The following CTBS variants were observed in gnomAD, a reference collection of about 807,000 sequenced individuals.
The protein encoded by CTBS is di-N-acetylchitobiase.
In CTBS, 35 loss-of-function variants were observed where a neutral mutation model predicts 44.3. The ratio of observed to expected loss-of-function variants is 0.79; its 90% CI spans 0.60 to 1.05. The LOEUF is 1.05. Among genes scored for constraint, CTBS ranks in the 50% least tolerant of loss-of-function variants. The pLI is 0.00. For synonymous variants in CTBS, 143 were observed against 168.0 expected (o/e 0.85, Z 1.15); for missense variants, 458 against 475.3 (o/e 0.96, Z 0.34).
Position 84,570,692 on chromosome 1 carries a change from G to GT in CTBS, c.205dup (p.Thr69AsnfsTer6). 6 of 1,613,730 alleles carry GT rather than the reference G, an allele frequency of 3.7e-6. No homozygotes were observed. Among genetic ancestry groups the GT allele is most frequent in the Non-Finnish European group, 5.1e-6 (6 of 1,179,846 alleles). ...CTGTGACCAATCATAAGATTTCCAA[G>GT]TTTTCTGTCCAACATCAAACACAAA... is the stretch of plus-strand genomic sequence containing the variant. On this transcript the variant is annotated frameshift_variant, in exon 2 of 7. Transcript: ENST00000370630. LOFTEE classifies it high-confidence loss of function.
chr1:84,570,286 A>T lies in CTBS; in HGVS notation c.317-147T>A, dbSNP rs895135042. The T allele has an allele frequency of 7.3e-6, 5 of 688,610 alleles. No individual in the cohort carries two copies. In the African/African-American group the frequency reaches 9.1e-5, roughly 13 times the overall value. The allele number at this position is 688,610 out of a possible 1,614,324, so 42.7% of individuals were successfully genotyped here. ...TTACTCATGAATCTCCAAAATAACCATTATAAATCATTAGTAAAATTGTTC... is the reference window on the plus strand; with the variant it reads ...TTACTCATGAATCTCCAAAATAACCTTTATAAATCATTAGTAAAATTGTTC... On this transcript the variant is annotated intron_variant, in intron 2 of 6. Coordinates refer to ENST00000370630, the MANE Select transcript of CTBS (RefSeq NM_004388.3).
At chr1:84,556,527 A>G (rs1035758897) in intron 6 of CTBS, among the ~76,000 whole-genome samples, 5 of 144,442 alleles carry the variant, frequency 3.5e-5, no homozygotes, top group Admixed American at 6.9e-5. Context: ...CCTAGCCAAC[A>G]TGGTGAAACC....
Position 84,561,418 on chromosome 1 carries a change from A to G in CTBS, c.957+1839T>C, listed in dbSNP as rs181035770. On this transcript the variant is annotated intron_variant, in intron 6 of 6. Transcript: ENST00000370630. The stretch of plus-strand genomic sequence containing the variant: ...CTTCTTATGAATACGCAAAGAAAGT[A>G]GTTTCTTGAGAATGGAATCTATTCC... 2.0e-5 allele frequency among the ~76,000 whole-genome samples: 3 copies of G among 152,368 alleles called. No individual in the cohort carries two copies. In the East Asian group the frequency reaches 5.8e-4, roughly 29 times the overall value.
intron 4 of CTBS, 166 bp from the exon 5 acceptor site, chr1:84,563,998 T>C (rs1036373903): frequency 7.2e-6 from 3 of 416,226 alleles, no homozygotes; most frequent in Non-Finnish European, 9.7e-6. Flanking sequence ...CCATAAATTC[T>C]ATATCTTGCT....
intron 6 of CTBS, among the ~76,000 whole-genome samples, chr1:84,557,094 A>G (rs1684457512): frequency 1.3e-5 from 2 of 152,242 alleles, no homozygotes; most frequent in Non-Finnish European, 2.9e-5. Context: ...CACATGTAAG[A>G]CTAATTTATG....
At chr1:84,556,710 CAAAAA>C (rs11417377) in intron 6 of CTBS, among the ~76,000 whole-genome samples, 1 of 93,490 alleles carries the variant, frequency 1.1e-5, no homozygotes, top group African/African-American at 3.7e-5. Flanking sequence ...GACTCCGTCT[CAAAAA>C]AAAAAAAAAA....
chr1:84,565,996 G>T lies in CTBS; in HGVS notation c.542C>A (p.Ala181Asp). The stretch of plus-strand genomic sequence containing the variant: ...TCTGTCTATGTTCTTTGGAGACCAA[G>T]CTACATCAAAGGTTACCTGTGGAAA... Reference protein sequence around the residue: ...IEGSQVTFDVAWSPKNIDRRC... With the variant: ...IEGSQVTFDVDWSPKNIDRRC... The change falls in exon 4 of 7, where the codon GCT (alanine) becomes GAT (aspartate). Residue 181 changes from alanine (A) to aspartate (D), a missense_variant. By Grantham distance (126) the Ala-to-Asp change is moderately radical. Transcript: ENST00000370630. 6.4e-7 allele frequency: 1 copy of T among 1,551,694 alleles called. No individual in the cohort carries two copies. Among genetic ancestry groups the T allele is most frequent in the Non-Finnish European group, 8.7e-7 (1 of 1,149,700 alleles).
At position 84,570,567 on chromosome 1, in the gene CTBS, C is replaced by G. The variant is rs1284530016; in HGVS notation, c.316+15G>C. ...TTTCCCAATTGCTGCACACATAGATCTGGAAACAACATACCTTTAAGTACT... is the reference window on the plus strand; with the variant it reads ...TTTCCCAATTGCTGCACACATAGATGTGGAAACAACATACCTTTAAGTACT... On this transcript the variant is annotated intron_variant, in intron 2 of 6. Transcript: ENST00000370630. The G allele has an allele frequency of 1.9e-6, 3 of 1,595,752 alleles. No homozygotes were observed. In the South Asian group the frequency reaches 3.4e-5, roughly 18 times the overall value.
At chr1:84,563,170 T>C (rs1684626289) in intron 6 of CTBS, 87 bp downstream of exon 6, 4 of 946,306 alleles carry the variant, frequency 4.2e-6, no homozygotes, top group Non-Finnish European at 5.8e-6. Context: ...AGAAAACTGA[T>C]AGAAATTCTT....
rs1570476700 is a variant in CTBS, at chr1:84,570,848, C to T, written c.178-128G>A. ...GCAGTGAGAGTACAAGTGCATAAGA[C>T]ATAGGGGTCCCAAGATAATTGGTGG... is the stretch of plus-strand genomic sequence containing the variant. On this transcript the variant is annotated intron_variant, in intron 1 of 6. Transcript: ENST00000370630. The T allele has an allele frequency of 7.6e-6, 6 of 794,348 alleles. No individual in the cohort carries two copies. The South Asian group carries it at 1.4e-4, about 19-fold the overall frequency. 49.2% of individuals were successfully genotyped at this position (794,348 alleles called of 1,614,324 possible). A position where few individuals can be genotyped will look rare whatever the true frequency, so the allele number is the denominator to read the frequency against.
At position 84,553,942 on chromosome 1, in the gene CTBS, G is replaced by T. The variant is rs1420236729; in HGVS notation, c.*1057C>A. Reference sequence around the variant, plus strand: ...TTAGAAAACTTATTTGTATAAAATTGATCTTTTAGAAAGAGAACTAGTTGA... The same window carrying T: ...TTAGAAAACTTATTTGTATAAAATTTATCTTTTAGAAAGAGAACTAGTTGA... On this transcript the variant is annotated 3_prime_UTR_variant, in exon 7 of 7. Transcript: ENST00000370630. 1 of 152,070 alleles carries T rather than the reference G, an allele frequency of 6.6e-6. No homozygotes were observed. The highest frequency in any genetic ancestry group is 2.4e-5 in the African/African-American group (1 of 41,406). 9.4% of individuals were successfully genotyped at this position (152,070 alleles called of 1,614,324 possible).
Position 84,574,349 on chromosome 1 carries a change from C to T in CTBS, c.67G>A (p.Ala23Thr). The change falls in exon 1 of 7, where the codon GCG becomes ACG. Residue 23 changes from alanine to threonine, a missense_variant. Physicochemically the swap from Ala to Thr is moderately conservative, Grantham distance 58. Coordinates refer to ENST00000370630, the MANE Select transcript of CTBS (RefSeq NM_004388.3). ...SSPPSGVPGL[A>T]LLALLALLAL... ...AGCAGCGCCAGCAGCGCCAGCAGCG[C>T]TAGACCCGGGACGCCGCTCGGCGGG... is the stretch of plus-strand genomic sequence containing the variant. 7.4e-7 allele frequency: 1 copy of T among 1,348,504 alleles called. No individual in the cohort carries two copies. The highest frequency in any genetic ancestry group is 1.0e-6 in the Non-Finnish European group (1 of 979,954). 83.5% of individuals were successfully genotyped at this position (1,348,504 alleles called of 1,614,324 possible).
Position 84,551,326 on chromosome 1 carries a change from A to G in CTBS, c.*3673T>C. The G allele has an allele frequency of 1.1e-6, 1 of 935,846 alleles. No individual in the cohort carries two copies. The highest frequency in any genetic ancestry group is 1.3e-6 in the Non-Finnish European group (1 of 784,776). The allele number at this position is 935,846 out of a possible 1,614,324, so 58.0% of individuals were successfully genotyped here. ...AGCTCTTTTTAAAAAAATTTTAAAA[A>G]GAAAAAAGAAAATCAGTACTGTCCT... On this transcript the variant is annotated 3_prime_UTR_variant, in exon 7 of 7. Transcript: ENST00000370630.
chr1:84,563,970 T>TA (rs1226254264), intron 4 of CTBS, 138 bp from the exon 5 acceptor site: 5 of 971,370 alleles, frequency 5.1e-6, no homozygotes, highest in Non-Finnish European at 5.5e-6. Context: ...TAATATGTTA[T>TA]AAAACATCCC....
At position 84,554,983 on chromosome 1, in the gene CTBS, G is replaced by C. The variant is rs1399416288; in HGVS notation, c.*16C>G. The C allele has an allele frequency of 6.2e-7, 1 of 1,604,990 alleles. No individual in the cohort carries two copies. Among genetic ancestry groups the C allele is most frequent in the African/African-American group, 1.3e-5 (1 of 74,600 alleles). ...CAGATCATCTTTCTAACTCTTAATG[G>C]TTTGACAAAAGATGTTCATCTCTGT... is the stretch of plus-strand genomic sequence containing the variant. On this transcript the variant is annotated 3_prime_UTR_variant, in exon 7 of 7. Coordinates refer to ENST00000370630, the MANE Select transcript of CTBS (RefSeq NM_004388.3).
In CTBS at chr1:84,550,807, CA is replaced by C. The variant is rs572940816; in HGVS notation, c.*4191del. On this transcript the variant is annotated 3_prime_UTR_variant, in exon 7 of 7. Transcript: ENST00000370630. ...AGGAACCTGTGAGTCAATATATTCTCAAAAAAAATTTTAAGTAGTTTTCCTG... is the reference window on the plus strand; with the variant it reads ...AGGAACCTGTGAGTCAATATATTCTCAAAAAAATTTTAAGTAGTTTTCCTG... 14 of 1,015,844 alleles carry C rather than the reference CA, an allele frequency of 1.4e-5. No individual in the cohort carries two copies. The highest frequency in any genetic ancestry group is 8.2e-5 in the East Asian group (1 of 12,146). The allele number at this position is 1,015,844 out of a possible 1,614,324, so 62.9% of individuals were successfully genotyped here.
chr1:84,556,789 T>C (rs1684445083), intron 6 of CTBS, among the ~76,000 whole-genome samples: 1 of 151,714 alleles, frequency 6.6e-6, no homozygotes. Context: ...TATTTAAATA[T>C]GGTAGACTAA....
At chr1:84,557,609 C>T (rs1267737072) in intron 6 of CTBS, among the ~76,000 whole-genome samples, 1 of 149,206 alleles carries the variant, frequency 6.7e-6, no homozygotes, top group Non-Finnish European at 1.5e-5. Flanking sequence ...TAATCCCAGC[C>T]CTTTGGGAGG....
intron 6 of CTBS, among the ~76,000 whole-genome samples, chr1:84,555,432 C>G (rs1157800304): frequency 6.6e-6 from 1 of 152,174 alleles, no homozygotes; most frequent in Non-Finnish European, 1.5e-5. Flanking sequence ...AATGGTTCAA[C>G]TTACAATTTT....
Sources: gnomAD v4.1 joint callset for allele counts (sites outside exome capture counted in the v4.1 genomes callset) on GRCh38, gnomAD v4.1.1 for gene constraint, MANE v1.5 for transcripts, NCBI Gene and HGNC (gene_info 2026-07-23, HGNC 2026-07-21) for gene names.